The following TPRG1 variants were observed in gnomAD, a reference collection of about 807,000 sequenced individuals.
TPRG1 encodes the protein tumor protein p63 regulated 1.
TPRG1 carries 29 observed loss-of-function variants against 29.3 expected under a neutral mutation model. The observed-to-expected ratio is 0.99, with a 90% CI of 0.74 to 1.35. TPRG1 has a LOEUF of 1.35. Ranked by LOEUF, TPRG1 falls within the 40% of genes most tolerant of loss-of-function variation. The probability of loss-of-function intolerance (pLI) is 0.00; values close to 1 mark genes in which losing one functional copy is unlikely to be tolerated. For missense variants in TPRG1, 327 were observed against 335.0 expected (o/e 0.98, Z 0.19); for synonymous variants, 130 against 116.8 (o/e 1.11, Z -0.73).
chr3:189,314,183 G>A (rs978010450), intron 5 of TPRG1, among the ~76,000 whole-genome samples: 2 of 152,108 alleles, frequency 1.3e-5, no homozygotes, highest in African/African-American at 2.4e-5. Flanking sequence ...CTCAGCTTAT[G>A]ACATGTTGAA....
intron 4 of TPRG1, among the ~76,000 whole-genome samples, chr3:189,296,640 G>A (rs570101794): frequency 9.0e-4 from 137 of 152,286 alleles, no homozygotes; most frequent in African/African-American, 3.0e-3. Flanking sequence ...AAGGACATTG[G>A]AAAACTAGAA....
chr3:189,141,361 CCATTCATTCATT>C (rs3065345), intron 3 of TPRG1, among the ~76,000 whole-genome samples: 1 of 151,298 alleles, frequency 6.6e-6, no homozygotes. Flanking sequence ...GACATTCTAG[CCATTCATTCATT>C]CATTCATTCA....
chr3:189,116,146 A>C (rs1450271789), intron 1 of TPRG1, among the ~76,000 whole-genome samples: 1 of 152,156 alleles, frequency 6.6e-6, no homozygotes, highest in Non-Finnish European at 1.5e-5. Context: ...TATATGTTCC[A>C]AAGAATTGAA....
At chr3:188,999,313 C>T (rs951579532) in intron 1 of TPRG1, among the ~76,000 whole-genome samples, 5 of 152,086 alleles carry the variant, frequency 3.3e-5, no homozygotes, top group Non-Finnish European at 5.9e-5. Context: ...ACTTCTGGTG[C>T]GAGTCAAAGG....
intron 3 of TPRG1, among the ~76,000 whole-genome samples, chr3:189,232,841 G>T (rs961689854): frequency 6.6e-6 from 1 of 152,330 alleles, no homozygotes; most frequent in South Asian, 2.1e-4. Context: ...CTGTGGATTA[G>T]TTAGCTAAAG....
chr3:189,235,879 T>C (rs1739380747), intron 3 of TPRG1, among the ~76,000 whole-genome samples: 1 of 152,144 alleles, frequency 6.6e-6, no homozygotes, highest in African/African-American at 2.4e-5. Context: ...GGTAATAACA[T>C]TTAGACCAAA....
Position 189,316,804 on chromosome 3 carries a change from G to A in TPRG1, c.634-3822G>A, listed in dbSNP as rs558369453. 3.3e-5 allele frequency among the ~76,000 whole-genome samples: 5 copies of A among 152,264 alleles called. No individual in the cohort carries two copies. In the South Asian group the frequency reaches 1.0e-3, roughly 32 times the overall value. On this transcript the variant is annotated intron_variant, in intron 5 of 5. Coordinates refer to ENST00000345063, the MANE Select transcript of TPRG1 (RefSeq NM_198485.4). Reference sequence around the variant, plus strand: ...GAGGTGGGTGCATAAAAGCTTTTAGGGAAAAGTATGTGGCTGGTGGCATTC... The same window carrying A: ...GAGGTGGGTGCATAAAAGCTTTTAGAGAAAAGTATGTGGCTGGTGGCATTC...
intron 4 of TPRG1, among the ~76,000 whole-genome samples, chr3:189,242,994 A>ATTT (rs1320331493): frequency 2.0e-5 from 3 of 152,298 alleles, no homozygotes; most frequent in African/African-American, 7.2e-5. Flanking sequence ...TAATGTCCAT[A>ATTT]AGATATTTAG....
At chr3:189,310,646 A>G (rs1722338502) in intron 5 of TPRG1, 107 bp downstream of exon 5, 2 of 472,626 alleles carry the variant, frequency 4.2e-6, no homozygotes, top group South Asian at 9.1e-5. Flanking sequence ...AAATAAAATA[A>G]AATAAAATAA....
chr3:189,113,077 G>A (rs1720741369), intron 1 of TPRG1, among the ~76,000 whole-genome samples: 1 of 152,092 alleles, frequency 6.6e-6, no homozygotes, highest in Admixed American at 6.5e-5. Flanking sequence ...AGTTCTCCTT[G>A]AAGAGGTCCT....
chr3:189,093,617 A>T (rs1451707582), intron 4 of TPRG1, among the ~76,000 whole-genome samples: 1 of 152,164 alleles, frequency 6.6e-6, no homozygotes, highest in Non-Finnish European at 1.5e-5. Flanking sequence ...TTGCAGCTAA[A>T]TGTGATCTTT....
intron 4 of TPRG1, among the ~76,000 whole-genome samples, chr3:189,054,094 C>G (rs1183694151): frequency 2.0e-5 from 3 of 152,080 alleles, no homozygotes; most frequent in Non-Finnish European, 4.4e-5. Context: ...TAAGCTTAAT[C>G]ATTTCTAGCT....
intron 1 of TPRG1, among the ~76,000 whole-genome samples, chr3:189,198,038 A>G (rs1173136438): frequency 6.6e-6 from 1 of 152,214 alleles, no homozygotes; most frequent in Non-Finnish European, 1.5e-5. Context: ...GAATACAGAG[A>G]AAGTGTGAGA....
At chr3:189,194,663 G>A (rs1245899098) in intron 1 of TPRG1, among the ~76,000 whole-genome samples, 14 of 152,168 alleles carry the variant, frequency 9.2e-5, no homozygotes, top group Admixed American at 9.2e-4. Context: ...GTTTGGACCT[G>A]CAGAGCAGAG....
intron 4 of TPRG1, among the ~76,000 whole-genome samples, chr3:189,294,849 T>G (rs776711054): frequency 2.6e-5 from 4 of 151,020 alleles, no homozygotes; most frequent in Non-Finnish European, 5.9e-5. Flanking sequence ...AGGAAGAAAC[T>G]GGTTAATTTT....
Position 189,033,460 on chromosome 3 carries a change from T to G in TPRG1, c.-463+9514T>G, listed in dbSNP as rs1303535406. On this transcript the variant is annotated intron_variant, in intron 4 of 10. Transcript: ENST00000433971. ...CCACGCCCAGCTAATTTTTGTATTTTTTGTAAAGATGGGATTTTGTCATGT... is the reference window on the plus strand; with the variant it reads ...CCACGCCCAGCTAATTTTTGTATTTGTTGTAAAGATGGGATTTTGTCATGT... Among the ~76,000 whole-genome samples, 3 of 152,046 alleles carry G rather than the reference T, an allele frequency of 2.0e-5. No individual in the cohort carries two copies. The East Asian group carries it at 5.8e-4, about 29-fold the overall frequency.
intron 1 of TPRG1, among the ~76,000 whole-genome samples, chr3:189,176,092 G>A (rs1287370973): frequency 2.0e-5 from 3 of 152,194 alleles, no homozygotes; most frequent in African/African-American, 4.8e-5. Flanking sequence ...GTTTTGCAAA[G>A]GGCTACACTG....
At chr3:189,015,094 A>G (rs1213221310) in intron 3 of TPRG1, among the ~76,000 whole-genome samples, 1 of 152,166 alleles carries the variant, frequency 6.6e-6, no homozygotes, top group Admixed American at 6.5e-5. Context: ...TAATAGTGAT[A>G]TGGACAAGAA....
At chr3:189,146,223 C>T (rs766770402) in intron 3 of TPRG1, among the ~76,000 whole-genome samples, 23 of 152,114 alleles carry the variant, frequency 1.5e-4, no homozygotes, top group Non-Finnish European at 3.4e-4. Context: ...TATGCATTGC[C>T]GTGACTAAAG....
Sources: gnomAD v4.1 joint callset for allele counts (sites outside exome capture counted in the v4.1 genomes callset) on GRCh38, gnomAD v4.1.1 for gene constraint, MANE v1.5 for transcripts, NCBI Gene and HGNC (gene_info 2026-07-23, HGNC 2026-07-21) for gene names.